NMRK1: variants seen among roughly 807,000 people sequenced by gnomAD.
NMRK1 encodes NRK 1.
In NMRK1, 28 loss-of-function variants were observed where a neutral mutation model predicts 29.9. The observed-to-expected ratio is 0.94, with a 90% CI of 0.69 to 1.28. The LOEUF is 1.28. Among genes scored for constraint, NMRK1 ranks in the 50% most tolerant of loss-of-function variants. The probability of loss-of-function intolerance (pLI) is 0.00; values close to 1 mark genes in which losing one functional copy is unlikely to be tolerated. For missense variants in NMRK1, 218 were observed against 233.1 expected, an observed-to-expected ratio of 0.94 and a Z score of 0.42; for synonymous variants, 58 against 73.0, an observed-to-expected ratio of 0.79 and a Z score of 1.05.
chr9:75,085,726 GTTTTTTTTTTT>G (rs58741153), intron 1 of NMRK1, among the ~76,000 whole-genome samples: 7 of 85,130 alleles, frequency 8.2e-5, no homozygotes, highest in Non-Finnish European at 1.1e-4. Context: ...TCAAATGTAA[GTTTTTTTTTTT>G]TTTTTTTTTT....
intron 7 of NMRK1, chr9:75,067,092 A>C (rs964536709): frequency 3.0e-6 from 1 of 329,828 alleles, no homozygotes; most frequent in Non-Finnish European, 5.5e-6. Context: ...AAAAGAGAAG[A>C]GAAAGAAAGA....
At chr9:75,066,909 C>A (rs757603459) in intron 7 of NMRK1, 69 bp from the exon 8 acceptor site, 74 of 830,688 alleles carry the variant, frequency 8.9e-5, no homozygotes, top group Non-Finnish European at 1.4e-4. Context: ...TACTTTGACA[C>A]CCAACATCTC....
intron 1 of NMRK1, among the ~76,000 whole-genome samples, chr9:75,084,594 G>A (rs1411552360): frequency 6.6e-6 from 1 of 152,214 alleles, no homozygotes; most frequent in Non-Finnish European, 1.5e-5. Context: ...GTTGAGACCA[G>A]CCTGGGCAAC....
chr9:75,077,603 T>C, intron 2 of NMRK1, 23 bp from the exon 3 acceptor site: 1 of 1,546,492 alleles, frequency 6.5e-7, no homozygotes, highest in Non-Finnish European at 8.9e-7. Flanking sequence ...AAAAAGAAAG[T>C]ACCAAGAAGG....
At chr9:75,074,089 G>A (rs1479870006) in intron 4 of NMRK1, among the ~76,000 whole-genome samples, 4 of 149,794 alleles carry the variant, frequency 2.7e-5, no homozygotes, top group East Asian at 3.9e-4. Context: ...ACAGAGTCTC[G>A]CTCTGTTGCC....
intron 8 of NMRK1, among the ~76,000 whole-genome samples, chr9:75,064,790 CAT>C (rs996976113): frequency 6.6e-6 from 1 of 152,146 alleles, no homozygotes; most frequent in Non-Finnish European, 1.5e-5. Flanking sequence ...CCAAAAAAAA[CAT>C]ATAATATTCT....
At position 75,086,080 on chromosome 9, in the gene NMRK1, T is replaced by TA. The variant is rs368915179; in HGVS notation, c.-36+1927dup. Among the ~76,000 whole-genome samples the TA allele has an allele frequency of 3.0e-3, 457 of 151,438 alleles. 2 individuals are homozygous for TA. Among genetic ancestry groups the TA allele is most frequent in the African/African-American group, 0.011 (446 of 41,222 alleles). ...ACTATTTCATTGCCTGTTGCCCCTATAAAAAAAATCACCAAGGCTGCAGTG... is the reference window on the plus strand; with the variant it reads ...ACTATTTCATTGCCTGTTGCCCCTATAAAAAAAAATCACCAAGGCTGCAGTG... On this transcript the variant is annotated intron_variant, in intron 1 of 8. Transcript: ENST00000361092.
chr9:75,065,598 C>T (rs1264676206), intron 8 of NMRK1, among the ~76,000 whole-genome samples: 6 of 152,154 alleles, frequency 3.9e-5, no homozygotes, highest in African/African-American at 9.7e-5. Flanking sequence ...GGATTATAAA[C>T]GTGAGCCATT....
At chr9:75,077,731 G>A (rs572116620) in intron 2 of NMRK1, 151 bp from the exon 3 acceptor site, 583 of 598,882 alleles carry the variant, frequency 9.7e-4, no homozygotes, top group Non-Finnish European at 1.5e-3. Context: ...CGATTCATGG[G>A]TTCAAGTGAT....
In NMRK1 at chr9:75,069,161, T is replaced by C. The variant is rs796399788; in HGVS notation, c.390-59A>G. 16 of 1,196,044 alleles carry C rather than the reference T, an allele frequency of 1.3e-5. 1 individual carries two copies. In the African/African-American group the frequency reaches 2.1e-4, roughly 16 times the overall value. 74.1% of individuals were successfully genotyped at this position (1,196,044 alleles called of 1,614,324 possible). A position where few individuals can be genotyped will look rare whatever the true frequency, so the allele number is the denominator to read the frequency against. ...GAAACACACAATTGATAAAGTAAAA[T>C]ATGAATGGTCAGGATAATGGGGAAA... On this transcript the variant is annotated intron_variant, in intron 6 of 8. Coordinates refer to ENST00000361092, the MANE Select transcript of NMRK1 (RefSeq NM_017881.3).
At chr9:75,070,063 A>G in intron 4 of NMRK1, 21 bp from the exon 5 acceptor site, 1 of 1,601,540 alleles carries the variant, frequency 6.2e-7, no homozygotes. Context: ...ACACACAAAA[A>G]TATGCAATCA....
In NMRK1 at chr9:75,077,191, T is replaced by C; in HGVS notation, c.137A>G (p.Glu46Gly). Reference sequence around the variant, plus strand: ...CTGCAAAAATCCATTTTTATCTGTCTCTATCTCAGACTCTGGCTGGAAAAA... The same window carrying C: ...CTGCAAAAATCCATTTTTATCTGTCCCTATCTCAGACTCTGGCTGGAAAAA... ...DDFFKPESEI[E>G]TDKNGFLQYD... Residue 46 changes from glutamate to glycine, a missense_variant, in exon 4 of 9, where the codon GAG (glutamate) becomes GGG (glycine). Physicochemically the swap from Glu to Gly is moderately conservative, Grantham distance 98 (BLOSUM62 -2). Coordinates refer to ENST00000361092, the MANE Select transcript of NMRK1 (RefSeq NM_017881.3). 6.3e-7 allele frequency: 1 copy of C among 1,596,808 alleles called. No homozygotes were observed. The highest frequency in any genetic ancestry group is 1.7e-5 in the Admixed American group (1 of 58,880).
At chr9:75,077,663 T>C (rs1824080088) in intron 2 of NMRK1, 83 bp from the exon 3 acceptor site, 4 of 933,694 alleles carry the variant, frequency 4.3e-6, no homozygotes, top group Non-Finnish European at 6.8e-6. Flanking sequence ...AGAGACAGGG[T>C]CTCGCTGTGT....
chr9:75,084,232 G>A (rs1824487056), intron 1 of NMRK1, among the ~76,000 whole-genome samples: 1 of 152,204 alleles, frequency 6.6e-6, no homozygotes, highest in African/African-American at 2.4e-5. Context: ...TCTGCTCAGG[G>A]GGGTTGCCAG....
chr9:75,061,637 C>A, intron 8 of NMRK1, 70 bp from the exon 9 acceptor site: 1 of 1,277,934 alleles, frequency 7.8e-7, no homozygotes, highest in Non-Finnish European at 1.1e-6. Context: ...TTTACATCAA[C>A]AACAGTAAAT....
chr9:75,065,317 G>A (rs911464278), intron 8 of NMRK1, among the ~76,000 whole-genome samples: 36 of 152,004 alleles, frequency 2.4e-4, no homozygotes, highest in African/African-American at 6.8e-4. Context: ...CTGCAGGCGC[G>A]CACCACCACA....
At chr9:75,066,064 C>T (rs1823320099) in intron 8 of NMRK1, among the ~76,000 whole-genome samples, 2 of 152,124 alleles carry the variant, frequency 1.3e-5, no homozygotes. Flanking sequence ...TTCCTTAACC[C>T]ATTAATGTTG....
intron 7 of NMRK1, among the ~76,000 whole-genome samples, chr9:75,068,556 T>C (rs117409368): frequency 0.017 from 2,660 of 152,308 alleles, 32 homozygotes; most frequent in Middle Eastern, 0.024. Context: ...GTTAAACTCA[T>C]TGAAGTTTGG....
chr9:75,066,233 CT>C (rs1243721381), intron 8 of NMRK1: 10 of 517,560 alleles, frequency 1.9e-5, no homozygotes, highest in Non-Finnish European at 3.9e-5. Context: ...CCTGTACTGT[CT>C]TTCTGCTGTA....
Sources: gnomAD v4.1 joint callset for allele counts (sites outside exome capture counted in the v4.1 genomes callset) on GRCh38, gnomAD v4.1.1 for gene constraint, MANE v1.5 for transcripts, NCBI Gene and HGNC (gene_info 2026-07-23, HGNC 2026-07-21) for gene names.